VPS41: variants seen among roughly 807,000 people sequenced by gnomAD.
VPS41 encodes the protein VPS41 subunit of HOPS complex, also known as vacuolar protein sorting-associated protein 41 homolog.
Under a neutral mutation model 130.9 loss-of-function variants are expected in VPS41, and 85 were observed. The observed-to-expected ratio is 0.65, with a 90% CI of 0.55 to 0.78. VPS41 has a LOEUF of 0.78. VPS41 is among the 30% of genes least tolerant of loss of function. VPS41 has a pLI of 0.00. For missense variants in VPS41, 874 were observed against 1,018.7 expected (o/e 0.86, Z 1.93); for synonymous variants, 335 against 332.9 (o/e 1.01, Z -0.07).
Position 38,797,035 on chromosome 7 carries a change from G to A in VPS41, c.451-171C>T. On this transcript the variant is annotated intron_variant, in intron 7 of 28. Transcript: ENST00000310301. Reference sequence around the variant, plus strand: ...ATTTGTACCTTGGAAAGAATTCCTAGCACATCATATTCTCCCCAGGAAGTT... The same window carrying A: ...ATTTGTACCTTGGAAAGAATTCCTAACACATCATATTCTCCCCAGGAAGTT... 4.2e-6 allele frequency: 3 copies of A among 710,882 alleles called. 1 individual carries two copies. The South Asian group carries it at 5.8e-5, about 14-fold the overall frequency. The allele number at this position is 710,882 out of a possible 1,614,324, so 44.0% of individuals were successfully genotyped here. A position where few individuals can be genotyped will look rare whatever the true frequency, so the allele number is the denominator to read the frequency against.
At chr7:38,793,827 C>A (rs568304868) in intron 9 of VPS41, among the ~76,000 whole-genome samples, 1 of 152,274 alleles carries the variant, frequency 6.6e-6, no homozygotes, top group African/African-American at 2.4e-5. Flanking sequence ...CTCCTCTCTT[C>A]CATGTTAGCA....
At chr7:38,878,255 C>T (rs1457021330) in intron 2 of VPS41, among the ~76,000 whole-genome samples, 2 of 152,032 alleles carry the variant, frequency 1.3e-5, no homozygotes, top group African/African-American at 2.4e-5. Flanking sequence ...CTTTTACAGA[C>T]AAATTGAATA....
At chr7:38,799,914 TGTGGG>T (rs1299701572) in intron 7 of VPS41, among the ~76,000 whole-genome samples, 2 of 151,880 alleles carry the variant, frequency 1.3e-5, no homozygotes, top group Non-Finnish European at 2.9e-5. Flanking sequence ...GGCATGGGTA[TGTGGG>T]GTGGGGGGTA....
At chr7:38,831,428 T>C in intron 4 of VPS41, 1 of 321,064 alleles carries the variant, frequency 3.1e-6, no homozygotes, top group Admixed American at 4.4e-5. Context: ...CTGGAAAGCA[T>C]ACAGATCACA....
At chr7:38,801,054 G>C (rs4723792) in intron 7 of VPS41, among the ~76,000 whole-genome samples, 4 of 151,990 alleles carry the variant, frequency 2.6e-5, no homozygotes, top group Non-Finnish European at 5.9e-5. Context: ...GGTGTGCTCC[G>C]AGCTATGGGA....
At chr7:38,800,378 G>A (rs1784702007) in intron 7 of VPS41, among the ~76,000 whole-genome samples, 1 of 152,108 alleles carries the variant, frequency 6.6e-6, no homozygotes, top group Non-Finnish European at 1.5e-5. Flanking sequence ...TTCGATAAAT[G>A]CGTGCTGAAA....
At chr7:38,741,190 G>A (rs1181641065) in intron 25 of VPS41, 1 of 230,716 alleles carries the variant, frequency 4.3e-6, no homozygotes, top group African/African-American at 2.4e-5. Context: ...CTTTTCTTTT[G>A]GCTTTACCTG....
chr7:38,853,562 C>A lies in VPS41; in HGVS notation c.246+8983G>T, dbSNP rs536569217. 2.4e-3 allele frequency among the ~76,000 whole-genome samples: 371 copies of A among 152,296 alleles called. 1 individual carries two copies. The highest frequency in any genetic ancestry group is 8.7e-3 in the African/African-American group (360 of 41,582). On this transcript the variant is annotated intron_variant, in intron 4 of 28. Transcript: ENST00000310301. ...CCCAACTGCAAAGGTGGAGATTCCTCCCCTAGGTCTACACCTTATTCATAA... is the reference window on the plus strand; with the variant it reads ...CCCAACTGCAAAGGTGGAGATTCCTACCCTAGGTCTACACCTTATTCATAA...
At chr7:38,727,837 G>A (rs775123204) in intron 27 of VPS41, among the ~76,000 whole-genome samples, 3 of 152,196 alleles carry the variant, frequency 2.0e-5, no homozygotes, top group Middle Eastern at 3.4e-3. Context: ...GTTAGTTTCC[G>A]CTTTTGAATT....
intron 6 of VPS41, among the ~76,000 whole-genome samples, chr7:38,818,349 C>T (rs1354830270): frequency 6.6e-6 from 1 of 152,142 alleles, no homozygotes; most frequent in Non-Finnish European, 1.5e-5. Flanking sequence ...AGACGTTTAG[C>T]CCACTTACAC....
rs78818483 is a variant in VPS41 at position 38,759,426 on chromosome 7, C to A, written c.1423-945G>T. Among the ~76,000 whole-genome samples the A allele has an allele frequency of 7.7e-3, 1,167 of 152,238 alleles. 19 individuals carry two copies. Among genetic ancestry groups the A allele is most frequent in the African/African-American group, 0.026 (1,065 of 41,532 alleles). ...TCAAAACAAACCAAACAATTTAAAC[C>A]ATCCCTAAAAGTATTCACTTTTAGT... is the stretch of plus-strand genomic sequence containing the variant. On this transcript the variant is annotated intron_variant, in intron 17 of 28. Transcript: ENST00000310301.
intron 7 of VPS41, among the ~76,000 whole-genome samples, chr7:38,813,638 T>C (rs375358410): frequency 6.6e-6 from 1 of 152,184 alleles, no homozygotes; most frequent in Non-Finnish European, 1.5e-5. Flanking sequence ...ATATCATACA[T>C]GTGCTTTTCT....
chr7:38,785,491 T>C (rs1489326786), intron 10 of VPS41, among the ~76,000 whole-genome samples: 4 of 152,232 alleles, frequency 2.6e-5, no homozygotes, highest in Non-Finnish European at 5.9e-5. Context: ...AGCAAACTAT[T>C]GTCAATTAAA....
chr7:38,873,224 G>A (rs1403094997), intron 2 of VPS41, among the ~76,000 whole-genome samples: 4 of 151,840 alleles, frequency 2.6e-5, no homozygotes, highest in South Asian at 4.1e-4. Context: ...ATCATTTCAC[G>A]CTTTTCTGAC....
chr7:38,767,662 G>A, intron 14 of VPS41, 64 bp from the exon 15 acceptor site: 1 of 1,233,606 alleles, frequency 8.1e-7, no homozygotes, highest in East Asian at 2.4e-5. Flanking sequence ...TTGAGTCTCG[G>A]TTTCTGCACA....
intron 25 of VPS41, among the ~76,000 whole-genome samples, chr7:38,732,800 C>G (rs1372427821): frequency 6.6e-6 from 1 of 152,106 alleles, no homozygotes; most frequent in Non-Finnish European, 1.5e-5. Context: ...AAATGTAACA[C>G]AGAAGCTGCT....
intron 16 of VPS41, 103 bp downstream of exon 16, chr7:38,765,477 A>T: frequency 1.3e-6 from 1 of 740,760 alleles, no homozygotes; most frequent in South Asian, 2.0e-5. Context: ...CTGAGATAAT[A>T]ATCACGTCCT....
chr7:38,899,705 C>G (rs1787100976), intron 1 of VPS41, among the ~76,000 whole-genome samples: 1 of 152,126 alleles, frequency 6.6e-6, no homozygotes. Flanking sequence ...CTTCTAACAT[C>G]CTTTCCATCT....
In VPS41 at chr7:38,765,648, T is replaced by C; in HGVS notation, c.1261A>G (p.Ile421Val). The C allele has an allele frequency of 6.3e-7, 1 of 1,598,674 alleles. No individual in the cohort carries two copies. The highest frequency in any genetic ancestry group is 8.5e-7 in the Non-Finnish European group (1 of 1,175,846). The change falls in exon 16 of 29, where the codon ATT (isoleucine) becomes GTT (valine). Residue 421 changes from isoleucine to valine, a missense_variant. Transcript: ENST00000310301. ...YDIAARKCQK[I>V]LGKNAALWEY... ...CAGAGTGCTGCATTTTTCCCAAGAATTTTCTGGCATTTGCTGGCAGTAAAA... is the reference window on the plus strand; with the variant it reads ...CAGAGTGCTGCATTTTTCCCAAGAACTTTCTGGCATTTGCTGGCAGTAAAA...
Sources: allele counts gnomAD v4.1 joint callset (sites outside exome capture counted in the v4.1 genomes callset), GRCh38; gene constraint gnomAD v4.1.1; transcripts MANE v1.5; gene names NCBI Gene and HGNC (gene_info 2026-07-23, HGNC 2026-07-21).